Variants in RAB6A observed in about 807,000 individuals in gnomAD.
RAB6A encodes the protein RAB6A, member RAS oncogene family, also known as ras-related protein Rab-6A.
A neutral mutation model predicts 32.3 loss-of-function variants in RAB6A; 8 were observed. The observed-to-expected ratio is 0.25, with a 90% confidence interval of 0.15 to 0.45. The LOEUF is 0.45. RAB6A is among the 20% of genes least tolerant of loss of function. The pLI, the probability that RAB6A is intolerant of heterozygous loss-of-function variation, is 1.00. For synonymous variants in RAB6A, 73 were observed against 82.1 expected (o/e 0.89, Z 0.60); for missense variants, 104 against 249.4 (o/e 0.42, Z 3.93).
At chr11:73,678,816 C>T (rs561459716) in intron 7 of RAB6A, among the ~76,000 whole-genome samples, 4 of 151,032 alleles carry the variant, frequency 2.6e-5, no homozygotes, top group Admixed American at 6.6e-5. Flanking sequence ...ACCTCTGCCT[C>T]CTGGGTTCAA....
At chr11:73,691,977 A>G (rs966640354) in intron 6 of RAB6A, among the ~76,000 whole-genome samples, 2 of 150,870 alleles carry the variant, frequency 1.3e-5, no homozygotes, top group African/African-American at 4.9e-5. Context: ...CTTGTCTCCA[A>G]AAAAAAAAGA....
chr11:73,753,408 G>A (rs1946697747), intron 1 of RAB6A, among the ~76,000 whole-genome samples: 1 of 151,816 alleles, frequency 6.6e-6, no homozygotes, highest in Admixed American at 6.6e-5. Context: ...TGTTGGCCAG[G>A]CTAGTCTCCA....
chr11:73,678,825 A>C (rs1342902666), intron 7 of RAB6A, among the ~76,000 whole-genome samples: 3 of 150,992 alleles, frequency 2.0e-5, no homozygotes, highest in African/African-American at 7.3e-5. Context: ...TCCTGGGTTC[A>C]AGCAATTCTC....
At chr11:73,705,962 TAC>T (rs1222412652) in intron 6 of RAB6A, among the ~76,000 whole-genome samples, 1 of 150,294 alleles carries the variant, frequency 6.7e-6, no homozygotes, top group Non-Finnish European at 1.5e-5. Flanking sequence ...TTATAAGGAG[TAC>T]AATTAGGAAA....
chr11:73,733,610 T>C (rs1946350922), intron 1 of RAB6A, among the ~76,000 whole-genome samples: 2 of 151,596 alleles, frequency 1.3e-5, no homozygotes, highest in Admixed American at 1.3e-4. Context: ...GGACAAATTG[T>C]GGCATAGTCA....
intron 6 of RAB6A, among the ~76,000 whole-genome samples, chr11:73,690,454 TA>T (rs1945533057): frequency 6.6e-6 from 1 of 152,110 alleles, no homozygotes; most frequent in South Asian, 2.1e-4. Context: ...AATGTGATCA[TA>T]ACTCATGATA....
intron 3 of RAB6A, 50 bp downstream of exon 3, chr11:73,720,796 T>G (rs756911782): frequency 1.4e-6 from 2 of 1,402,300 alleles, no homozygotes; most frequent in East Asian, 2.3e-5. Context: ...TGATTGCAGT[T>G]TTCTAACCTG....
intron 1 of RAB6A, among the ~76,000 whole-genome samples, chr11:73,754,916 TTTA>T (rs963723099): frequency 4.0e-5 from 6 of 150,662 alleles, no homozygotes; most frequent in African/African-American, 1.2e-4. Context: ...ATGCAATGGG[TTTA>T]TTATTATTAT....
chr11:73,737,446 G>A (rs1225080922), intron 1 of RAB6A, among the ~76,000 whole-genome samples: 1 of 152,094 alleles, frequency 6.6e-6, no homozygotes, highest in Non-Finnish European at 1.5e-5. Context: ...TCACACCACT[G>A]CACTCCAGCC....
In RAB6A at chr11:73,739,284, A is replaced by AATATATAT. The variant is rs1555066941; in HGVS notation, c.71-8469_71-8462dup. Among the ~76,000 whole-genome samples the AATATATAT allele has an allele frequency of 7.4e-3, 50 of 6,752 alleles. 3 individuals carry two copies. The highest frequency in any genetic ancestry group is 0.05 in the Middle Eastern group (1 of 20). The allele number at this position is 6,752 out of a possible 152,430, so 4.4% of individuals were successfully genotyped here. On this transcript the variant is annotated intron_variant, in intron 1 of 7. Transcript: ENST00000336083. Reference sequence around the variant, plus strand: ...TAATTAAAAAAAAAAAAAAAAAAAAAATATATATATATATATATATAAATA... The same window carrying AATATATAT: ...TAATTAAAAAAAAAAAAAAAAAAAAAATATATATATATATATATATATATATATAAATA...
intron 1 of RAB6A, among the ~76,000 whole-genome samples, chr11:73,760,312 C>G (rs1449694310): frequency 6.6e-6 from 1 of 151,996 alleles, no homozygotes; most frequent in African/African-American, 2.4e-5. Context: ...GGAGGGAGGG[C>G]AGATCGACCG....
intron 2 of RAB6A, among the ~76,000 whole-genome samples, chr11:73,729,257 C>T (rs1265925911): frequency 3.3e-5 from 5 of 152,164 alleles, no homozygotes; most frequent in Non-Finnish European, 5.9e-5. Flanking sequence ...CACCATTATG[C>T]CTGGCTAATT....
intron 6 of RAB6A, among the ~76,000 whole-genome samples, chr11:73,690,030 T>C (rs532558720): frequency 6.6e-6 from 1 of 152,286 alleles, no homozygotes; most frequent in African/African-American, 2.4e-5. Flanking sequence ...TCTTTTCACA[T>C]GGTGTAAGGC....
Position 73,695,119 on chromosome 11 carries a change from A to G in RAB6A, c.495+12301T>C, listed in dbSNP as rs1945636520. Among the ~76,000 whole-genome samples, 3 of 152,156 alleles carry G rather than the reference A, an allele frequency of 2.0e-5. No homozygotes were observed. In the South Asian group the frequency reaches 6.2e-4, roughly 32 times the overall value. On this transcript the variant is annotated intron_variant, in intron 6 of 7. Coordinates refer to ENST00000336083, the MANE Select transcript of RAB6A (RefSeq NM_198896.2). Reference sequence around the variant, plus strand: ...TTGGTGCTTTCTCCAAAATACTCCAATTAGATTAAAAGAATCAGTGTCACT... The same window carrying G: ...TTGGTGCTTTCTCCAAAATACTCCAGTTAGATTAAAAGAATCAGTGTCACT...
chr11:73,716,081 C>G (rs4944860), intron 5 of RAB6A, among the ~76,000 whole-genome samples, 170 bp downstream of exon 5: 137,702 of 152,262 alleles, frequency 0.9, 62,562 homozygotes, highest in East Asian at 1. Context: ...TAAGGACTGG[C>G]TGTTTAATAT....
Position 73,760,039 on chromosome 11 carries a change from C to CCTT in RAB6A, c.70+524_70+526dup, listed in dbSNP as rs1469484644. On this transcript the variant is annotated intron_variant, in intron 1 of 7. Coordinates refer to ENST00000336083, the MANE Select transcript of RAB6A (RefSeq NM_198896.2). ...TCATTTAATTTTTTCTACTACCACC[C>CCTT]CTTCCCACCTTCCACGACATCAGCA... 2.3e-6 allele frequency: 3 copies of CCTT among 1,289,184 alleles called. No homozygotes were observed. The African/African-American group carries it at 4.6e-5, about 20-fold the overall frequency. The allele number at this position is 1,289,184 out of a possible 1,614,324, so 79.9% of individuals were successfully genotyped here.
chr11:73,723,610 T>C (rs1946174525), intron 2 of RAB6A, among the ~76,000 whole-genome samples: 1 of 152,206 alleles, frequency 6.6e-6, no homozygotes, highest in South Asian at 2.1e-4. Flanking sequence ...ATTACAGCCA[T>C]GAGCCACTGC....
chr11:73,735,791 A>G (rs1258008575), intron 1 of RAB6A, among the ~76,000 whole-genome samples: 1 of 152,118 alleles, frequency 6.6e-6, no homozygotes, highest in African/African-American at 2.4e-5. Flanking sequence ...TATGCAGGAC[A>G]TAATCTTGAA....
chr11:73,731,745 CAT>C (rs748889928), intron 1 of RAB6A, among the ~76,000 whole-genome samples: 3,215 of 89,688 alleles, frequency 0.036, 156 homozygotes, highest in Non-Finnish European at 0.044. Flanking sequence ...CACACACACA[CAT>C]ATTTTCTTTT....
Sources: allele counts gnomAD v4.1 joint callset (sites outside exome capture counted in the v4.1 genomes callset), GRCh38; gene constraint gnomAD v4.1.1; transcripts MANE v1.5; gene names NCBI Gene and HGNC (gene_info 2026-07-23, HGNC 2026-07-21).